The following CDH11 variants were observed in gnomAD, a reference collection of about 807,000 sequenced individuals.
The protein encoded by CDH11 is cadherin-11.
In CDH11, 11 loss-of-function variants were observed where a neutral mutation model predicts 67.8. The ratio of observed to expected loss-of-function variants is 0.16; its 90% CI spans 0.10 to 0.27. The LOEUF is 0.27. CDH11 is among the 10% of genes least tolerant of loss of function. The pLI is 1.00. For missense variants in CDH11, 847 were observed against 1,031.2 expected, an observed-to-expected ratio of 0.82 and a Z score of 2.45; for synonymous variants, 419 against 400.0, an observed-to-expected ratio of 1.05 and a Z score of -0.57.
intron 1 of CDH11, among the ~76,000 whole-genome samples, chr16:65,093,536 G>C (rs1334751732): frequency 6.6e-6 from 1 of 151,914 alleles, no homozygotes; most frequent in South Asian, 2.1e-4. Context: ...TATTTAATTA[G>C]GGATTATTTT....
chr16:64,948,567 G>A (rs778149473), intron 12 of CDH11: 23 of 1,422,500 alleles, frequency 1.6e-5, no homozygotes, highest in Non-Finnish European at 2.3e-5. Context: ...CAATGTCTGA[G>A]AAAGAGTATT....
At chr16:65,014,409 A>G (rs2073252011) in intron 2 of CDH11, among the ~76,000 whole-genome samples, 3 of 152,194 alleles carry the variant, frequency 2.0e-5, no homozygotes, top group African/African-American at 7.2e-5. Context: ...GAATCAATAT[A>G]TACATTCTCA....
intron 1 of CDH11, among the ~76,000 whole-genome samples, chr16:65,091,427 A>G (rs942274922): frequency 3.3e-5 from 5 of 152,202 alleles, no homozygotes; most frequent in African/African-American, 1.2e-4. Context: ...ATTTTCTATG[A>G]ATGCTGTTGA....
At chr16:64,952,669 C>T (rs1436552630) in intron 11 of CDH11, among the ~76,000 whole-genome samples, 1 of 134,490 alleles carries the variant, frequency 7.4e-6, no homozygotes, top group Non-Finnish European at 1.7e-5. Flanking sequence ...CATACACACA[C>T]ACATACACAC....
intron 8 of CDH11, among the ~76,000 whole-genome samples, chr16:64,976,500 C>A (rs1444064263): frequency 6.6e-6 from 1 of 152,042 alleles, no homozygotes; most frequent in Non-Finnish European, 1.5e-5. Flanking sequence ...ACTCAAATGT[C>A]CTCAAAGTTG....
At chr16:65,005,985 T>C (rs1025903974) in intron 2 of CDH11, among the ~76,000 whole-genome samples, 1 of 152,218 alleles carries the variant, frequency 6.6e-6, no homozygotes, top group Non-Finnish European at 1.5e-5. Context: ...ACTCTTGTCC[T>C]CTCTCCAGCA....
intron 11 of CDH11, among the ~76,000 whole-genome samples, chr16:64,969,417 A>G (rs1255076087): frequency 6.6e-6 from 1 of 152,190 alleles, no homozygotes; most frequent in Non-Finnish European, 1.5e-5. Context: ...TGAGAATTGC[A>G]TCAACACAGA....
chr16:64,968,279 G>C (rs80052240), intron 11 of CDH11: 1 of 266,490 alleles, frequency 3.8e-6, no homozygotes, highest in Non-Finnish European at 5.8e-6. Context: ...GTGAAACAAT[G>C]ACATGAGAAG....
rs370413587 is a variant in CDH11 at position 65,096,445 on chromosome 16, A to G, written c.-298+25435T>C. ...TGTGTGTGTGTGTGTGTGTGTGTGT[A>G]TATATATGTTTATATATGTGTGTAT... is the stretch of plus-strand genomic sequence containing the variant. On this transcript the variant is annotated intron_variant, in intron 1 of 12. Coordinates refer to ENST00000268603, the MANE Select transcript of CDH11 (RefSeq NM_001797.4). Among the ~76,000 whole-genome samples, 842 of 97,970 alleles carry G rather than the reference A, an allele frequency of 8.6e-3. 4 individuals are homozygous for G. Among genetic ancestry groups the G allele is most frequent in the African/African-American group, 0.029 (648 of 22,524 alleles). 64.3% of individuals were successfully genotyped at this position (97,970 alleles called of 152,430 possible). A position where few individuals can be genotyped will look rare whatever the true frequency, so the allele number is the denominator to read the frequency against.
At chr16:65,047,884 A>C (rs2142698860) in intron 2 of CDH11, among the ~76,000 whole-genome samples, 1 of 152,236 alleles carries the variant, frequency 6.6e-6, no homozygotes, top group South Asian at 2.1e-4. Context: ...TCACCTCCTC[A>C]CTGAAGCTCC....
At chr16:65,074,683 C>G (rs1181647944) in intron 1 of CDH11, among the ~76,000 whole-genome samples, 2 of 151,592 alleles carry the variant, frequency 1.3e-5, no homozygotes, top group African/African-American at 2.4e-5. Context: ...CAGAGAGAGA[C>G]AAACAGACAG....
chr16:65,040,875 T>C (rs779682709), intron 2 of CDH11, among the ~76,000 whole-genome samples: 1 of 152,192 alleles, frequency 6.6e-6, no homozygotes, highest in South Asian at 2.1e-4. Context: ...GAAAATGTAA[T>C]AAGCCTTTTA....
chr16:64,947,847 T>A lies in CDH11; in HGVS notation c.2147A>T (p.Asp716Val), dbSNP rs752376523. 1.9e-6 allele frequency: 3 copies of A among 1,614,014 alleles called. No homozygotes were observed. In the African/African-American group the frequency reaches 4.0e-5, roughly 22 times the overall value. The change falls in exon 13 of 13, where the codon GAT becomes GTT. Residue 716 changes from aspartate (D) to valine (V), a missense_variant. Coordinates refer to ENST00000268603, the MANE Select transcript of CDH11 (RefSeq NM_001797.4). ...TCTCGTGTTGATGAAGTCATCGACATCCACGCTGTTGGGCGCTGGCCGGAG... is the reference window on the plus strand; with the variant it reads ...TCTCGTGTTGATGAAGTCATCGACAACCACGCTGTTGGGCGCTGGCCGGAG... The part of the protein sequence containing the change: ...PGLRPAPNSV[D>V]VDDFINTRIQ...
At chr16:65,038,019 ATTG>A in intron 2 of CDH11, among the ~76,000 whole-genome samples, 1 of 152,192 alleles carries the variant, frequency 6.6e-6, no homozygotes, top group East Asian at 1.9e-4. Flanking sequence ...TAAAAAAAGA[ATTG>A]TTCTTTTAAT....
intron 1 of CDH11, among the ~76,000 whole-genome samples, chr16:65,058,183 C>T (rs890359679): frequency 1.3e-5 from 2 of 152,050 alleles, no homozygotes; most frequent in Non-Finnish European, 2.9e-5. Flanking sequence ...AATAGCGCCA[C>T]GGTACTCCAG....
At chr16:65,113,835 C>T (rs1293530025) in intron 1 of CDH11, among the ~76,000 whole-genome samples, 1 of 152,100 alleles carries the variant, frequency 6.6e-6, no homozygotes, top group South Asian at 2.1e-4. Flanking sequence ...CTGCCCACCC[C>T]CCATAAGATG....
At chr16:64,961,020 C>A (rs762403592) in intron 11 of CDH11, among the ~76,000 whole-genome samples, 2 of 152,012 alleles carry the variant, frequency 1.3e-5, no homozygotes, top group Admixed American at 6.6e-5. Context: ...GCTGGATGTG[C>A]TTTTGGGGAT....
intron 8 of CDH11, 136 bp downstream of exon 8, chr16:64,981,912 T>C (rs1292230476): frequency 1.4e-6 from 1 of 732,486 alleles, no homozygotes; most frequent in Non-Finnish European, 2.2e-6. Flanking sequence ...TAAATCTTAA[T>C]CTTGTTTACA....
chr16:65,066,022 G>C (rs1473464178), intron 1 of CDH11, among the ~76,000 whole-genome samples: 1 of 152,218 alleles, frequency 6.6e-6, no homozygotes, highest in East Asian at 1.9e-4. Flanking sequence ...TCTGACGCCA[G>C]AGCGTCCTCT....
Sources: gnomAD v4.1 joint callset for allele counts (sites outside exome capture counted in the v4.1 genomes callset) on GRCh38, gnomAD v4.1.1 for gene constraint, MANE v1.5 for transcripts, NCBI Gene and HGNC (gene_info 2026-07-23, HGNC 2026-07-21) for gene names.